The following FERRY3 variants were observed in gnomAD, a reference collection of about 807,000 sequenced individuals.
The protein encoded by FERRY3 is FERRY endosomal RAB5 effector complex subunit 3.
At chr12:4,520,955 A>G in the FERRY3 span, among the ~76,000 whole-genome samples, 1 of 152,228 alleles carries the variant, frequency 6.6e-6, no homozygotes, top group East Asian at 1.9e-4. Context: ...TCAACTGCTG[A>G]TAAGATGTAC....
At chr12:4,516,664 AAC>A in the FERRY3 span, among the ~76,000 whole-genome samples, 2 of 152,210 alleles carry the variant, frequency 1.3e-5, no homozygotes, top group Non-Finnish European at 2.9e-5. Context: ...GAATGATCAG[AAC>A]ACACGGACGC....
the FERRY3 span, chr12:4,490,475 C>A: frequency 1.4e-6 from 2 of 1,434,594 alleles, no homozygotes; most frequent in South Asian, 1.3e-5. Flanking sequence ...TGTGAGAAAT[C>A]TAATAAAAGA....
At chr12:4,490,574 AT>A in the FERRY3 span, 3 of 1,610,078 alleles carry the variant, frequency 1.9e-6, no homozygotes, top group Non-Finnish European at 2.5e-6. Context: ...CCATGAAGCC[AT>A]TTCCATCATG....
At chr12:4,509,558 G>C in the FERRY3 span, among the ~76,000 whole-genome samples, 1 of 148,892 alleles carries the variant, frequency 6.7e-6, no homozygotes, top group Non-Finnish European at 1.5e-5. Context: ...TCTGAGAACG[G>C]GCAGACTGCC....
the FERRY3 span, among the ~76,000 whole-genome samples, chr12:4,537,608 C>T: frequency 6.6e-6 from 1 of 152,060 alleles, no homozygotes. Flanking sequence ...TTGTACATGT[C>T]GTGGGGCGGG....
the FERRY3 span, among the ~76,000 whole-genome samples, chr12:4,536,546 T>C: frequency 1.3e-5 from 2 of 152,018 alleles, no homozygotes; most frequent in Non-Finnish European, 2.9e-5. Flanking sequence ...GGAGAGTTCA[T>C]GGGTGGGGAA....
chr12:4,515,836 T>C, the FERRY3 span, among the ~76,000 whole-genome samples: 1 of 152,218 alleles, frequency 6.6e-6, no homozygotes, highest in African/African-American at 2.4e-5. Context: ...GGTAACTATC[T>C]GAGGTAATAA....
At chr12:4,520,428 T>G in the FERRY3 span, among the ~76,000 whole-genome samples, 2 of 152,194 alleles carry the variant, frequency 1.3e-5, no homozygotes. Flanking sequence ...ACAAGCCTAC[T>G]GCTGGGAGGC....
At chr12:4,534,301 G>C in the FERRY3 span, 1 of 1,606,890 alleles carries the variant, frequency 6.2e-7, no homozygotes, top group African/African-American at 1.3e-5. Flanking sequence ...CTTCTTTTAA[G>C]TCTGTTACAG....
the FERRY3 span, chr12:4,505,288 A>G: frequency 2.7e-6 from 4 of 1,480,380 alleles, no homozygotes; most frequent in South Asian, 1.1e-5. Context: ...GTAATTTAAA[A>G]TAAAAAGAAA....
At chr12:4,518,831 T>C in the FERRY3 span, 27 of 1,595,484 alleles carry the variant, frequency 1.7e-5, no homozygotes, top group Non-Finnish European at 2.0e-5. Context: ...ATCCTTCCAA[T>C]TGCTTCTACA....
At chr12:4,506,739 A>C in the FERRY3 span, among the ~76,000 whole-genome samples, 3 of 152,138 alleles carry the variant, frequency 2.0e-5, no homozygotes, top group Non-Finnish European at 4.4e-5. Flanking sequence ...AATGTATATA[A>C]ATGTGTATAA....
chr12:4,513,588 C>T, the FERRY3 span, among the ~76,000 whole-genome samples: 2 of 151,852 alleles, frequency 1.3e-5, no homozygotes, highest in Middle Eastern at 3.2e-3. Context: ...GAAATAACGC[C>T]ACATATCTAC....
chr12:4,492,739 C>A, the FERRY3 span, among the ~76,000 whole-genome samples: 2 of 152,036 alleles, frequency 1.3e-5, no homozygotes, highest in Admixed American at 6.6e-5. Context: ...TCTAGTGTTT[C>A]CCCTCTAAAC....
the FERRY3 span, chr12:4,536,005 AAC>A: frequency 3.9e-6 from 6 of 1,520,704 alleles, no homozygotes; most frequent in Non-Finnish European, 4.4e-6. Context: ...TAAAAAAAAA[AAC>A]AGTCCTCACC....
the FERRY3 span, chr12:4,505,424 G>A: frequency 7.6e-7 from 1 of 1,308,856 alleles, no homozygotes; most frequent in Non-Finnish European, 1.1e-6. Context: ...AACAACATAT[G>A]AGAATATGTT....
chr12:4,518,041 G>A, the FERRY3 span: 1 of 1,577,240 alleles, frequency 6.3e-7, no homozygotes, highest in East Asian at 2.2e-5. Context: ...AAATAAATGT[G>A]TATGATGTTA....
the FERRY3 span, among the ~76,000 whole-genome samples, chr12:4,515,067 A>T: frequency 6.6e-6 from 1 of 151,684 alleles, no homozygotes; most frequent in Non-Finnish European, 1.5e-5. Flanking sequence ...GTACCCTAAA[A>T]CTTAAAGTAT....
the FERRY3 span, among the ~76,000 whole-genome samples, chr12:4,530,970 T>TA: frequency 1.5e-3 from 209 of 144,132 alleles, no homozygotes; most frequent in Non-Finnish European, 1.3e-3. Context: ...AAGATACCTG[T>TA]AAAAAAAAAA....
Sources: allele counts gnomAD v4.1 joint callset (sites outside exome capture counted in the v4.1 genomes callset), GRCh38; gene constraint gnomAD v4.1.1; transcripts MANE v1.5; gene names NCBI Gene and HGNC (gene_info 2026-07-23, HGNC 2026-07-21).